The following NRXN3 variants were observed in gnomAD, a reference collection of about 807,000 sequenced individuals.
NRXN3 encodes neurexin 3, also known as neurexin III.
In NRXN3, 32 loss-of-function variants were observed where a neutral mutation model predicts 137.6. The observed-to-expected ratio is 0.23, with a 90% CI of 0.18 to 0.31. The LOEUF (loss-of-function observed/expected upper bound fraction) is 0.31. Among genes scored for constraint, NRXN3 ranks in the 10% least tolerant of loss-of-function variants. NRXN3 has a pLI of 1.00. For missense variants in NRXN3, 1,574 were observed against 2,062.5 expected, an observed-to-expected ratio of 0.76 and a Z score of 4.59; for synonymous variants, 798 against 784.5, an observed-to-expected ratio of 1.02 and a Z score of -0.29.
chr14:78,242,928 C>G lies in NRXN3; in HGVS notation c.-166C>G. ...CTGGGACTCTCTTGTACACTTTCCT[C>G]CATCTCCACTATCTCAGGATCTGTG... is the stretch of plus-strand genomic sequence containing the variant. On this transcript the variant is annotated 5_prime_UTR_variant, in exon 2 of 21. Transcript: ENST00000335750. 1.7e-6 allele frequency: 1 copy of G among 584,176 alleles called. No individual in the cohort carries two copies. 36.2% of individuals were successfully genotyped at this position (584,176 alleles called of 1,614,324 possible).
intron 19 of NRXN3, among the ~76,000 whole-genome samples, chr14:79,746,194 A>G (rs1335073533): frequency 6.6e-6 from 1 of 152,140 alleles, no homozygotes; most frequent in Admixed American, 6.6e-5. Flanking sequence ...CTGAAACATA[A>G]TAATTGCTAG....
intron 4 of NRXN3, among the ~76,000 whole-genome samples, chr14:78,479,265 C>CA: frequency 6.6e-6 from 1 of 152,282 alleles, no homozygotes; most frequent in South Asian, 2.1e-4. Context: ...TAAAGCTCCC[C>CA]AGGTTATTCT....
At chr14:79,323,074 G>T (rs1387034425) in intron 15 of NRXN3, among the ~76,000 whole-genome samples, 4 of 152,134 alleles carry the variant, frequency 2.6e-5, no homozygotes, top group Non-Finnish European at 4.4e-5. Flanking sequence ...TAGCTCTGTT[G>T]CCCTGCCAGA....
intron 4 of NRXN3, among the ~76,000 whole-genome samples, chr14:78,406,140 A>T (rs192536656): frequency 6.6e-6 from 1 of 152,308 alleles, no homozygotes; most frequent in East Asian, 1.9e-4. Flanking sequence ...GATGGCTCCC[A>T]TGGAGAAGTA....
At chr14:79,268,358 C>A (rs568063569) in intron 15 of NRXN3, among the ~76,000 whole-genome samples, 1 of 152,206 alleles carries the variant, frequency 6.6e-6, no homozygotes, top group East Asian at 1.9e-4. Flanking sequence ...TATCTGTTTT[C>A]TTTTGGTTAA....
At chr14:79,317,722 G>A (rs1031551740) in intron 15 of NRXN3, among the ~76,000 whole-genome samples, 2 of 152,156 alleles carry the variant, frequency 1.3e-5, no homozygotes, top group Admixed American at 6.5e-5. Flanking sequence ...ACATTGGAGG[G>A]CAGCATAGAA....
At chr14:79,524,466 C>T (rs1355866136) in intron 16 of NRXN3, among the ~76,000 whole-genome samples, 2 of 152,110 alleles carry the variant, frequency 1.3e-5, no homozygotes, top group Non-Finnish European at 2.9e-5. Flanking sequence ...TTCACAGGTA[C>T]CTGAAATGGT....
intron 15 of NRXN3, among the ~76,000 whole-genome samples, chr14:79,087,498 C>A (rs571124542): frequency 6.6e-6 from 1 of 152,264 alleles, no homozygotes; most frequent in South Asian, 2.1e-4. Context: ...CTTAAATGAA[C>A]AGAGCTCTGC....
At chr14:79,349,239 A>C (rs145234738) in intron 15 of NRXN3, among the ~76,000 whole-genome samples, 304 of 152,118 alleles carry the variant, frequency 2.0e-3, no homozygotes, top group African/African-American at 7.1e-3. Context: ...ACATGCTAAA[A>C]AATTCAAATT....
At chr14:78,541,295 T>C (rs147519530) in intron 4 of NRXN3, among the ~76,000 whole-genome samples, 55 of 152,372 alleles carry the variant, frequency 3.6e-4, no homozygotes, top group Non-Finnish European at 6.6e-4. Context: ...CCATATTTCT[T>C]TGAGGCTTTG....
chr14:79,401,002 T>C (rs1462725098), intron 15 of NRXN3, among the ~76,000 whole-genome samples: 1 of 152,124 alleles, frequency 6.6e-6, no homozygotes, highest in East Asian at 1.9e-4. Flanking sequence ...ACATTTACAG[T>C]GTCCTGCTTA....
At chr14:78,384,402 T>C (rs2089627011) in intron 4 of NRXN3, among the ~76,000 whole-genome samples, 1 of 152,104 alleles carries the variant, frequency 6.6e-6, no homozygotes, top group Non-Finnish European at 1.5e-5. Context: ...ATGACAGTCA[T>C]CCACTAAGCT....
chr14:78,381,435 A>G (rs185178427), intron 4 of NRXN3, among the ~76,000 whole-genome samples: 5 of 152,350 alleles, frequency 3.3e-5, no homozygotes, highest in East Asian at 1.9e-4. Context: ...AGTCAACAGT[A>G]AAAAAGCTGT....
chr14:79,300,877 T>C (rs1054476894), intron 15 of NRXN3, among the ~76,000 whole-genome samples: 1 of 152,050 alleles, frequency 6.6e-6, no homozygotes, highest in Non-Finnish European at 1.5e-5. Context: ...GAGTTGGACC[T>C]TCACAGAAAA....
chr14:78,194,346 G>T (rs1271716863), intron 1 of NRXN3, among the ~76,000 whole-genome samples: 1 of 152,192 alleles, frequency 6.6e-6, no homozygotes, highest in East Asian at 1.9e-4. Flanking sequence ...AGTAAGCTCT[G>T]GTGAACATCT....
At chr14:78,956,515 T>C (rs1308162778) in intron 10 of NRXN3, among the ~76,000 whole-genome samples, 1 of 152,184 alleles carries the variant, frequency 6.6e-6, no homozygotes, top group East Asian at 1.9e-4. Context: ...CACTTTATAT[T>C]AGTCATGCTT....
intron 19 of NRXN3, among the ~76,000 whole-genome samples, chr14:79,747,777 G>A (rs1265054711): frequency 1.3e-5 from 2 of 152,124 alleles, no homozygotes; most frequent in Non-Finnish European, 2.9e-5. Flanking sequence ...GTCACTGATT[G>A]TATACTTAAT....
intron 15 of NRXN3, among the ~76,000 whole-genome samples, chr14:79,336,906 C>T (rs1238825660): frequency 6.6e-6 from 1 of 152,162 alleles, no homozygotes; most frequent in Non-Finnish European, 1.5e-5. Flanking sequence ...AAAATACACC[C>T]TGAGTATAAA....
At chr14:78,653,710 T>C (rs867097567) in intron 6 of NRXN3, among the ~76,000 whole-genome samples, 13 of 142,908 alleles carry the variant, frequency 9.1e-5, no homozygotes, top group South Asian at 2.3e-4. Flanking sequence ...GAAAATAAAA[T>C]ACACACACAC....
Sources: gnomAD v4.1 joint callset for allele counts (sites outside exome capture counted in the v4.1 genomes callset) on GRCh38, gnomAD v4.1.1 for gene constraint, MANE v1.5 for transcripts, NCBI Gene and HGNC (gene_info 2026-07-23, HGNC 2026-07-21) for gene names.